The following ACADM variants were observed in gnomAD, a reference collection of about 807,000 sequenced individuals.
ACADM encodes medium-chain specific acyl-CoA dehydrogenase, mitochondrial.
A neutral mutation model predicts 58.9 loss-of-function variants in ACADM; 49 were observed. The ratio of observed to expected loss-of-function variants is 0.83; its 90% confidence interval spans 0.66 to 1.06. ACADM has a LOEUF of 1.06. Ranked by LOEUF, ACADM falls within the 50% of genes least tolerant of loss-of-function variation. The pLI is 0.00. For synonymous variants in ACADM, 160 were observed against 157.7 expected, an observed-to-expected ratio of 1.01 and a Z score of -0.11; for missense variants, 496 against 507.0, an observed-to-expected ratio of 0.98 and a Z score of 0.21.
Position 75,724,775 on chromosome 1 carries a change from A to T in ACADM, c.-13A>T, listed in dbSNP as rs1237331188. Reference sequence around the variant, plus strand: ...CGTGTATTATTGTCCGAGTGGCCGGAACGGGAGCCAACATGGCAGCGGGGT... The same window carrying T: ...CGTGTATTATTGTCCGAGTGGCCGGTACGGGAGCCAACATGGCAGCGGGGT... On this transcript the variant is annotated 5_prime_UTR_variant, in exon 1 of 12. Transcript: ENST00000370841. 6.6e-7 allele frequency: 1 copy of T among 1,524,766 alleles called. No individual in the cohort carries two copies. 94.5% of individuals were successfully genotyped at this position (1,524,766 alleles called of 1,614,324 possible).
intron 10 of ACADM, among the ~76,000 whole-genome samples, chr1:75,757,611 C>T (rs1471516445): frequency 6.6e-6 from 1 of 152,208 alleles, no homozygotes; most frequent in Admixed American, 6.5e-5. Flanking sequence ...GTTGGTGGGA[C>T]TGTAAACTAG....
rs905122531 is a variant in ACADM at position 75,750,365 on chromosome 1, A to G, written c.850-86A>G. On this transcript the variant is annotated intron_variant, in intron 9 of 11. Coordinates refer to ENST00000370841, the MANE Select transcript of ACADM (RefSeq NM_000016.6). ...TTGCTGTACATCACCTTCTCTTTGTACACTCCCTAACATAGACACTTAGGC... is the reference window on the plus strand; with the variant it reads ...TTGCTGTACATCACCTTCTCTTTGTGCACTCCCTAACATAGACACTTAGGC... 5.4e-6 allele frequency: 6 copies of G among 1,116,538 alleles called. No homozygotes were observed. The African/African-American group carries it at 6.2e-5, about 12-fold the overall frequency. The allele number at this position is 1,116,538 out of a possible 1,614,324, so 69.2% of individuals were successfully genotyped here.
Position 75,724,783 on chromosome 1 carries a change from C to T in ACADM, c.-5C>T, listed in dbSNP as rs1647020258. The T allele has an allele frequency of 6.6e-7, 1 of 1,522,988 alleles. No homozygotes were observed. The highest frequency in any genetic ancestry group is 8.8e-7 in the Non-Finnish European group (1 of 1,134,096). The allele number at this position is 1,522,988 out of a possible 1,614,324, so 94.3% of individuals were successfully genotyped here. On this transcript the variant is annotated 5_prime_UTR_variant, in exon 1 of 12. Coordinates refer to ENST00000370841, the MANE Select transcript of ACADM (RefSeq NM_000016.6). ...ATTGTCCGAGTGGCCGGAACGGGAG[C>T]CAACATGGCAGCGGGGTTCGGGCGA...
chr1:75,760,978 A>C, intron 10 of ACADM, 144 bp from the exon 11 acceptor site: 1 of 748,800 alleles, frequency 1.3e-6, no homozygotes, highest in Non-Finnish European at 2.2e-6. Flanking sequence ...AGGCCTAAGT[A>C]GGAGGATTGC....
intron 6 of ACADM, among the ~76,000 whole-genome samples, chr1:75,737,285 T>C (rs1450838225): frequency 1.7e-5 from 1 of 59,646 alleles, no homozygotes; most frequent in Non-Finnish European, 3.2e-5. Flanking sequence ...CACAAATATA[T>C]ATATATATAT....
At chr1:75,743,894 G>T in intron 7 of ACADM, 4 of 1,441,122 alleles carry the variant, frequency 2.8e-6, no homozygotes, top group African/African-American at 1.4e-5. Context: ...ACAACAGGCT[G>T]TTCCTGCAAG....
chr1:75,758,376 G>A (rs1648626664), intron 10 of ACADM, among the ~76,000 whole-genome samples: 1 of 152,148 alleles, frequency 6.6e-6, no homozygotes, highest in African/African-American at 2.4e-5. Flanking sequence ...CAGCCAGGAA[G>A]GATATTTTAA....
intron 6 of ACADM, among the ~76,000 whole-genome samples, chr1:75,737,612 G>A (rs1647341991): frequency 6.6e-6 from 1 of 151,954 alleles, no homozygotes. Flanking sequence ...ATCTAGTTCA[G>A]TTAACTTGAG....
intron 6 of ACADM, among the ~76,000 whole-genome samples, chr1:75,736,341 T>TA (rs1647265133): frequency 6.6e-6 from 1 of 152,214 alleles, no homozygotes; most frequent in Admixed American, 6.5e-5. Flanking sequence ...GAATTCATCT[T>TA]AAAGAACAGA....
At chr1:75,760,538 C>T (rs1221520829) in intron 10 of ACADM, among the ~76,000 whole-genome samples, 1 of 38,678 alleles carries the variant, frequency 2.6e-5, no homozygotes, top group African/African-American at 7.8e-5. Flanking sequence ...AAGTGAGACC[C>T]TGTCTCAAAA....
chr1:75,762,738 A>T lies in ACADM; in HGVS notation c.1241A>T (p.Glu414Val), dbSNP rs750756661. Reference protein sequence around the residue: ...SQIQRLIVAREHIDKYKN With the variant: ...SQIQRLIVARVHIDKYKN Reference sequence around the variant, plus strand: ...ATTCAAAGACTTATTGTAGCCCGTGAACACATTGACAAGTACAAAAATTAA... The same window carrying T: ...ATTCAAAGACTTATTGTAGCCCGTGTACACATTGACAAGTACAAAAATTAA... Residue 414 changes from glutamate to valine, a missense_variant, in exon 12 of 12, where the codon GAA (glutamate) becomes GTA (valine). Physicochemically the swap from Glu to Val is moderately radical, Grantham distance 121. Transcript: ENST00000370841. 6 of 1,607,272 alleles carry T rather than the reference A, an allele frequency of 3.7e-6. No individual in the cohort carries two copies. The South Asian group carries it at 5.5e-5, about 15-fold the overall frequency.
chr1:75,760,539 T>C, intron 10 of ACADM, among the ~76,000 whole-genome samples: 1 of 32,662 alleles, frequency 3.1e-5, no homozygotes, highest in Non-Finnish European at 6.2e-5. Context: ...AGTGAGACCC[T>C]GTCTCAAAAA....
In ACADM at chr1:75,741,235, T is replaced by C. The variant is rs575413097; in HGVS notation, c.599+1125T>C. On this transcript the variant is annotated intron_variant, in intron 7 of 11. Coordinates refer to ENST00000370841, the MANE Select transcript of ACADM (RefSeq NM_000016.6). The stretch of plus-strand genomic sequence containing the variant: ...TTGTGTGCCATATACTACAGTTTTC[T>C]AGCAAATAAAACATCATTTTTTTTC... 1.1e-4 allele frequency among the ~76,000 whole-genome samples: 16 copies of C among 152,328 alleles called. 1 individual carries two copies. Among genetic ancestry groups the C allele is most frequent in the Admixed American group, 9.2e-4 (14 of 15,300 alleles).
Position 75,724,710 on chromosome 1 carries a change from G to C in ACADM, c.-78G>C, listed in dbSNP as rs908019570. 22 of 1,501,862 alleles carry C rather than the reference G, an allele frequency of 1.5e-5. No individual in the cohort carries two copies. Among genetic ancestry groups the C allele is most frequent in the Admixed American group, 2.0e-5 (1 of 50,482 alleles). The allele number at this position is 1,501,862 out of a possible 1,614,324, so 93.0% of individuals were successfully genotyped here. On this transcript the variant is annotated 5_prime_UTR_variant, in exon 1 of 12. Coordinates refer to ENST00000370841, the MANE Select transcript of ACADM (RefSeq NM_000016.6). ...CCACGGGCTCCAGTGGGCGGGACCA[G>C]AGGAGTCCCGCGTTCGGGGAGTATG...
At chr1:75,729,270 T>C (rs1326057314) in intron 2 of ACADM, among the ~76,000 whole-genome samples, 3 of 146,850 alleles carry the variant, frequency 2.0e-5, no homozygotes, top group Non-Finnish European at 4.5e-5. Context: ...GAAATTTTTC[T>C]TTTCTTTTTC....
intron 10 of ACADM, among the ~76,000 whole-genome samples, chr1:75,755,731 C>T (rs767845175): frequency 1.5e-4 from 23 of 152,208 alleles, no homozygotes; most frequent in African/African-American, 3.6e-4. Flanking sequence ...TGCAGCTCCT[C>T]GCCAGCAACG....
chr1:75,729,885 ATTTTTTTTTT>A (rs551916973), intron 2 of ACADM, among the ~76,000 whole-genome samples: 1 of 73,872 alleles, frequency 1.4e-5, no homozygotes, highest in East Asian at 4.8e-4. Flanking sequence ...GGGATGGTGG[ATTTTTTTTTT>A]TTTTTTTTTT....
chr1:75,746,891 G>C (rs116066703), intron 8 of ACADM, among the ~76,000 whole-genome samples: 1 of 152,002 alleles, frequency 6.6e-6, no homozygotes, highest in African/African-American at 2.4e-5. Flanking sequence ...GAGCCACTGC[G>C]CCCAACCAAA....
At chr1:75,725,133 C>T (rs1489813684) in intron 1 of ACADM, among the ~76,000 whole-genome samples, 1 of 151,964 alleles carries the variant, frequency 6.6e-6, no homozygotes, top group Non-Finnish European at 1.5e-5. Context: ...CCAAAGTGAC[C>T]CCGTCTCTGT....
Sources: allele counts gnomAD v4.1 joint callset (sites outside exome capture counted in the v4.1 genomes callset), GRCh38; gene constraint gnomAD v4.1.1; transcripts MANE v1.5; gene names NCBI Gene and HGNC (gene_info 2026-07-23, HGNC 2026-07-21).